PROS1: variants seen among roughly 807,000 people sequenced by gnomAD.
The protein encoded by PROS1 is protein S.
A neutral mutation model predicts 75.9 loss-of-function variants in PROS1; 29 were observed. The ratio of observed to expected loss-of-function variants is 0.38; its 90% CI spans 0.28 to 0.52. The LOEUF is 0.52. Among genes scored for constraint, PROS1 ranks in the 20% least tolerant of loss-of-function variants. The pLI, the probability that PROS1 is intolerant of heterozygous loss-of-function variation, is 0.83. For missense variants in PROS1, 680 were observed against 810.3 expected (o/e 0.84, Z 1.95); for synonymous variants, 245 against 280.6 (o/e 0.87, Z 1.27).
chr3:93,909,044 C>A (rs1708716364), intron 4 of PROS1, among the ~76,000 whole-genome samples: 2 of 151,856 alleles, frequency 1.3e-5, no homozygotes, highest in Non-Finnish European at 2.9e-5. Context: ...GAAAAGTAAA[C>A]CATAAAAACA....
intron 4 of PROS1, among the ~76,000 whole-genome samples, chr3:93,909,403 C>A (rs1476598096): frequency 4.0e-5 from 6 of 148,204 alleles, no homozygotes; most frequent in African/African-American, 1.5e-4. Context: ...CCATTACACT[C>A]CAGCCTGGGC....
intron 8 of PROS1, 48 bp from the exon 9 acceptor site, chr3:93,896,739 G>A (rs764729426): frequency 6.6e-6 from 9 of 1,365,264 alleles, no homozygotes; most frequent in Middle Eastern, 3.6e-4. Context: ...AAAATGCACA[G>A]GTTATTGCTT....
At position 93,876,824 on chromosome 3, in the gene PROS1, G is replaced by A. The variant is rs577415620; in HGVS notation, c.1870+142C>T. Reference sequence around the variant, plus strand: ...AACAAAAATATGCCAATAAAATGTCGGTACTAGCCCCTAGAAAAAGAATAA... The same window carrying A: ...AACAAAAATATGCCAATAAAATGTCAGTACTAGCCCCTAGAAAAAGAATAA... On this transcript the variant is annotated intron_variant, in intron 14 of 14. Coordinates refer to ENST00000394236, the MANE Select transcript of PROS1 (RefSeq NM_000313.4). The A allele has an allele frequency of 5.4e-5, 29 of 536,480 alleles. No homozygotes were observed. The East Asian group carries it at 7.1e-4, about 13-fold the overall frequency. 33.2% of individuals were successfully genotyped at this position (536,480 alleles called of 1,614,324 possible). A position where few individuals can be genotyped will look rare whatever the true frequency, so the allele number is the denominator to read the frequency against.
chr3:93,956,559 C>A (rs202066195), intron 1 of PROS1, among the ~76,000 whole-genome samples: 909 of 54,302 alleles, frequency 0.017, 6 homozygotes, highest in Non-Finnish European at 0.032. Flanking sequence ...CACACACACA[C>A]ACAAACACAC....
chr3:93,935,460 A>T (rs1043654292), intron 1 of PROS1, among the ~76,000 whole-genome samples: 3 of 152,210 alleles, frequency 2.0e-5, no homozygotes, highest in Non-Finnish European at 4.4e-5. Context: ...TCAATATATT[A>T]GTTCTGTGGC....
chr3:93,907,112 G>A (rs543289767), intron 4 of PROS1, among the ~76,000 whole-genome samples: 7 of 152,344 alleles, frequency 4.6e-5, no homozygotes, highest in Admixed American at 3.3e-4. Context: ...GAGGCCTGTG[G>A]GCTGGGCTAC....
At chr3:93,936,363 A>G (rs1367968521) in intron 1 of PROS1, among the ~76,000 whole-genome samples, 3 of 152,158 alleles carry the variant, frequency 2.0e-5, no homozygotes, top group Non-Finnish European at 2.9e-5. Flanking sequence ...GCACCACGTA[A>G]TATGCCCATG....
intron 1 of PROS1, among the ~76,000 whole-genome samples, chr3:93,956,783 A>C (rs1709610223): frequency 6.6e-6 from 1 of 152,220 alleles, no homozygotes; most frequent in South Asian, 2.1e-4. Context: ...CCTCTACCTC[A>C]CTAAAAAATC....
At chr3:93,953,897 A>AT (rs1709552617) in intron 1 of PROS1, among the ~76,000 whole-genome samples, 1 of 152,236 alleles carries the variant, frequency 6.6e-6, no homozygotes, top group South Asian at 2.1e-4. Flanking sequence ...TACAAAATCA[A>AT]TATGCAAAAA....
intron 4 of PROS1, among the ~76,000 whole-genome samples, chr3:93,906,562 A>C (rs1388046522): frequency 6.6e-6 from 1 of 152,112 alleles, no homozygotes; most frequent in African/African-American, 2.4e-5. Context: ...ATCCACTCTG[A>C]TCTTAGAGGC....
chr3:93,906,412 G>A (rs1708676441), intron 4 of PROS1, among the ~76,000 whole-genome samples: 1 of 152,224 alleles, frequency 6.6e-6, no homozygotes, highest in Admixed American at 6.5e-5. Flanking sequence ...ATGTGGGCCA[G>A]GGCCTCCCAC....
chr3:93,971,422 C>T (rs1202743317), intron 1 of PROS1, among the ~76,000 whole-genome samples: 1 of 151,246 alleles, frequency 6.6e-6, no homozygotes, highest in East Asian at 2.0e-4. Flanking sequence ...AAGAACTACA[C>T]AATGAATTAC....
Position 93,924,241 on chromosome 3 carries a change from T to C in PROS1, c.258A>G (p.Leu86=), listed in dbSNP as rs139964194. 9.9e-5 allele frequency: 129 copies of C among 1,303,920 alleles called. No individual in the cohort carries two copies. In the African/African-American group the frequency reaches 1.6e-3, roughly 16 times the overall value. The allele number at this position is 1,303,920 out of a possible 1,614,324, so 80.8% of individuals were successfully genotyped here. A position where few individuals can be genotyped will look rare whatever the true frequency, so the allele number is the denominator to read the frequency against. ...ATAATTGAGATGTTTTGAACTTACC[T>C]AAGTATTTTGGATAAAAATAATCCT... ...PETDYFYPKY[L]VCLRSFQTGL... is the part of the protein sequence containing the mutation. The change falls in exon 3 of 15, where the codon TTA becomes TTG. Residue 86 remains leucine (L), a splice_region_variant and synonymous_variant. Transcript: ENST00000394236.
intron 10 of PROS1, among the ~76,000 whole-genome samples, chr3:93,890,695 T>C (rs1157200555): frequency 2.0e-5 from 3 of 152,196 alleles, no homozygotes; most frequent in Non-Finnish European, 4.4e-5. Context: ...TCTAATGCCT[T>C]GAACTCAGGA....
intron 6 of PROS1, among the ~76,000 whole-genome samples, chr3:93,905,475 T>A (rs1369654338): frequency 1.3e-5 from 2 of 152,090 alleles, no homozygotes; most frequent in Admixed American, 1.3e-4. Flanking sequence ...CATGGTGGCA[T>A]GCACTTGTAG....
At chr3:93,940,301 A>C (rs1266506587) in intron 1 of PROS1, among the ~76,000 whole-genome samples, 2 of 152,254 alleles carry the variant, frequency 1.3e-5, no homozygotes, top group East Asian at 3.9e-4. Context: ...TTGCCTCGGA[A>C]GTCTCCTGGA....
intron 1 of PROS1, among the ~76,000 whole-genome samples, chr3:93,948,038 T>C (rs1709433368): frequency 6.6e-6 from 1 of 152,166 alleles, no homozygotes; most frequent in Non-Finnish European, 1.5e-5. Flanking sequence ...GGGAAACAGA[T>C]GTAAACAAAA....
chr3:93,898,249 A>T (rs545670097), intron 8 of PROS1, among the ~76,000 whole-genome samples, 199 bp downstream of exon 8: 1 of 152,112 alleles, frequency 6.6e-6, no homozygotes, highest in African/African-American at 2.4e-5. Context: ...CTTTTTTTTA[A>T]ACCCAGCCAC....
intron 3 of PROS1, among the ~76,000 whole-genome samples, chr3:93,923,902 A>C (rs1708980229): frequency 6.9e-6 from 1 of 145,122 alleles, no homozygotes; most frequent in African/African-American, 2.7e-5. Context: ...GCGCTGCCTC[A>C]CAAAAAAAAA....
Sources: gnomAD v4.1 joint callset for allele counts (sites outside exome capture counted in the v4.1 genomes callset) on GRCh38, gnomAD v4.1.1 for gene constraint, MANE v1.5 for transcripts, NCBI Gene and HGNC (gene_info 2026-07-23, HGNC 2026-07-21) for gene names.